Variants in TMEM178B observed in about 807,000 individuals in gnomAD.
The protein encoded by TMEM178B is transmembrane protein 178B.
TMEM178B carries 5 observed loss-of-function variants against 31.0 expected under a neutral mutation model. That is an observed-to-expected ratio of 0.16 (90% confidence interval 0.08 to 0.34). TMEM178B has a LOEUF of 0.34. TMEM178B is among the 10% of genes least tolerant of loss of function. The pLI is 1.00. For synonymous variants in TMEM178B, 164 were observed against 164.0 expected (o/e 1.00, Z 0.00); for missense variants, 275 against 400.3 (o/e 0.69, Z 2.67).
At chr7:141,130,560 AATTT>A (rs1388509066) in intron 1 of TMEM178B, among the ~76,000 whole-genome samples, 1 of 152,154 alleles carries the variant, frequency 6.6e-6, no homozygotes, top group African/African-American at 2.4e-5. Context: ...ACTATACCAC[AATTT>A]ATTTATCCAT....
intron 3 of TMEM178B, among the ~76,000 whole-genome samples, chr7:141,444,847 G>C (rs750330166): frequency 6.6e-6 from 1 of 151,832 alleles, no homozygotes; most frequent in Non-Finnish European, 1.5e-5. Context: ...AGAAGCAGGG[G>C]CCCCACAGCC....
chr7:141,189,630 G>A (rs922468350), intron 1 of TMEM178B, among the ~76,000 whole-genome samples: 1 of 152,324 alleles, frequency 6.6e-6, no homozygotes. Flanking sequence ...GGTATATAAG[G>A]TCAGGGCGAC....
chr7:141,187,280 T>C (rs577127232), intron 1 of TMEM178B, among the ~76,000 whole-genome samples: 101 of 152,200 alleles, frequency 6.6e-4, no homozygotes, highest in African/African-American at 2.3e-3. Flanking sequence ...CTCATCATTT[T>C]TTATGGCTGC....
At chr7:141,424,681 C>T (rs1288699565) in intron 2 of TMEM178B, among the ~76,000 whole-genome samples, 4 of 152,102 alleles carry the variant, frequency 2.6e-5, no homozygotes, top group Non-Finnish European at 4.4e-5. Context: ...AAAAAGCCTC[C>T]CTGTTAACAT....
intron 1 of TMEM178B, among the ~76,000 whole-genome samples, chr7:141,125,529 A>C (rs1463256118): frequency 6.6e-6 from 1 of 151,746 alleles, no homozygotes; most frequent in Non-Finnish European, 1.5e-5. Context: ...AAAAATACAA[A>C]AATCAGCCGG....
At chr7:141,241,572 A>G (rs1311440632) in intron 2 of TMEM178B, among the ~76,000 whole-genome samples, 1 of 147,386 alleles carries the variant, frequency 6.8e-6, no homozygotes, top group East Asian at 2.0e-4. Context: ...CCTGGGGAAC[A>G]AGAGCGGGAC....
chr7:141,145,376 G>A (rs1036628783), intron 1 of TMEM178B, among the ~76,000 whole-genome samples: 2 of 152,210 alleles, frequency 1.3e-5, no homozygotes, highest in African/African-American at 4.8e-5. Flanking sequence ...TAACCCTGTT[G>A]TGCCTAGCTT....
chr7:141,361,598 A>C lies in TMEM178B; in HGVS notation c.497-76010A>C, dbSNP rs529486440. 1.3e-3 allele frequency among the ~76,000 whole-genome samples: 200 copies of C among 152,312 alleles called. 4 individuals carry two copies. The South Asian group carries it at 0.039, about 30-fold the overall frequency. Reference sequence around the variant, plus strand: ...CCTGGCAATATTAGGCCTGCATGACATGACATCCTGGCAATATTTCTGCAT... The same window carrying C: ...CCTGGCAATATTAGGCCTGCATGACCTGACATCCTGGCAATATTTCTGCAT... On this transcript the variant is annotated intron_variant, in intron 2 of 3. Transcript: ENST00000565468.
chr7:141,174,317 G>A (rs1033561459), intron 1 of TMEM178B, among the ~76,000 whole-genome samples: 1 of 152,096 alleles, frequency 6.6e-6, no homozygotes, highest in Non-Finnish European at 1.5e-5. Context: ...GCTGCATAGT[G>A]TTCCATGGTG....
intron 3 of TMEM178B, among the ~76,000 whole-genome samples, chr7:141,454,109 A>G (rs1033647394): frequency 1.3e-5 from 2 of 152,154 alleles, no homozygotes; most frequent in Admixed American, 6.5e-5. Context: ...TTTATTTAAA[A>G]TAATAATTAA....
intron 3 of TMEM178B, among the ~76,000 whole-genome samples, chr7:141,451,142 G>A (rs754485782): frequency 5.9e-5 from 9 of 152,166 alleles, no homozygotes; most frequent in Non-Finnish European, 1.2e-4. Flanking sequence ...TTCTGCTACC[G>A]AAGTGTTAAC....
the TMEM178B span, among the ~76,000 whole-genome samples, chr7:141,506,159 C>CT: frequency 1.3e-5 from 2 of 152,278 alleles, no homozygotes; most frequent in African/African-American, 4.8e-5. Context: ...CTCTCAATCT[C>CT]TGCTCTGCCA....
chr7:141,245,049 ATTGC>A (rs1236289779), intron 2 of TMEM178B, among the ~76,000 whole-genome samples: 1 of 151,216 alleles, frequency 6.6e-6, no homozygotes, highest in East Asian at 1.9e-4. Flanking sequence ...AGGCAGGAGA[ATTGC>A]TTGAACCTGG....
chr7:141,273,591 A>G (rs1762991918), intron 2 of TMEM178B, among the ~76,000 whole-genome samples: 1 of 152,218 alleles, frequency 6.6e-6, no homozygotes, highest in Admixed American at 6.5e-5. Context: ...TCTACAACGA[A>G]TAGAATAGTG....
chr7:141,406,398 G>A (rs1800885548), intron 2 of TMEM178B, among the ~76,000 whole-genome samples: 1 of 152,132 alleles, frequency 6.6e-6, no homozygotes, highest in Non-Finnish European at 1.5e-5. Flanking sequence ...CTCTCTCCCA[G>A]ATTATGATAG....
chr7:141,304,392 C>CCG (rs1798778523), intron 2 of TMEM178B, among the ~76,000 whole-genome samples: 2 of 152,132 alleles, frequency 1.3e-5, no homozygotes. Context: ...CAAATTTGCT[C>CCG]CATTGCCTCT....
chr7:141,224,819 C>T (rs369356721), intron 2 of TMEM178B, among the ~76,000 whole-genome samples: 1 of 152,130 alleles, frequency 6.6e-6, no homozygotes. Context: ...GAGCTCTCGT[C>T]CTAGAGCGAC....
chr7:141,113,734 C>A (rs1795272839), intron 1 of TMEM178B, among the ~76,000 whole-genome samples: 1 of 152,192 alleles, frequency 6.6e-6, no homozygotes, highest in Non-Finnish European at 1.5e-5. Context: ...CACATCATTA[C>A]ATGCCAGCAC....
chr7:141,096,025 C>T (rs75222717), intron 1 of TMEM178B, among the ~76,000 whole-genome samples: 1,533 of 152,350 alleles, frequency 0.01, 11 homozygotes, highest in Middle Eastern at 0.037. Flanking sequence ...TACAAGGCCA[C>T]TACTGGCATT....
Sources: allele counts gnomAD v4.1 joint callset (sites outside exome capture counted in the v4.1 genomes callset), GRCh38; gene constraint gnomAD v4.1.1; transcripts MANE v1.5; gene names NCBI Gene and HGNC (gene_info 2026-07-23, HGNC 2026-07-21).